OTX1: variants seen among roughly 807,000 people sequenced by gnomAD.
The protein encoded by OTX1 is orthodenticle homeobox 1.
OTX1 carries 7 observed loss-of-function variants against 26.7 expected under a neutral mutation model. The ratio of observed to expected loss-of-function variants is 0.26; its 90% CI spans 0.15 to 0.49. The LOEUF (loss-of-function observed/expected upper bound fraction) is 0.49. Ranked by LOEUF, OTX1 falls within the 20% of genes least tolerant of loss-of-function variation. OTX1 has a pLI of 0.98. For missense variants in OTX1, 414 were observed against 483.8 expected, an observed-to-expected ratio of 0.86 and a Z score of 1.35; for synonymous variants, 216 against 212.8, an observed-to-expected ratio of 1.01 and a Z score of -0.13.
rs541502870 is a variant in OTX1 at position 63,056,010 on chromosome 2, G to T, written c.759G>T (p.Ala253=). ...FGGVDCSSYL[A]PMHSHHHPHQ... is the part of the protein sequence containing the mutation. ...GCGTGGACTGCAGCTCATACCTAGC[G>T]CCCATGCACTCACATCACCACCCGC... Residue 253 remains alanine, a synonymous_variant, in exon 5 of 5, where the codon GCG becomes GCT. Transcript: ENST00000282549. 6.2e-7 allele frequency: 1 copy of T among 1,613,952 alleles called. No homozygotes were observed. Among genetic ancestry groups the T allele is most frequent in the South Asian group, 1.1e-5 (1 of 91,072 alleles).
At chr2:63,050,511 G>T (rs1417639774), upstream of OTX1, among the ~76,000 whole-genome samples, 1 of 152,308 alleles carries the variant, frequency 6.6e-6, no homozygotes, top group South Asian at 2.1e-4. Flanking sequence ...AAGGGCGGGG[G>T]CGCCCAGGGC....
rs1458688154 is a variant in OTX1, at chr2:63,056,926, G to A, written c.*610G>A. On this transcript the variant is annotated 3_prime_UTR_variant, in exon 5 of 5. Coordinates refer to ENST00000282549, the MANE Select transcript of OTX1 (RefSeq NM_014562.4). ...CGCGCCAGGGCTAGGCCCGCCGGAG[G>A]AGCGCGTCCCCAGCCTTCCGCGCAC... 6.6e-6 allele frequency: 1 copy of A among 152,600 alleles called. No homozygotes were observed. The highest frequency in any genetic ancestry group is 1.9e-4 in the East Asian group (1 of 5,172). The allele number at this position is 152,600 out of a possible 1,614,324, so 9.5% of individuals were successfully genotyped here. A position where few individuals can be genotyped will look rare whatever the true frequency, so the allele number is the denominator to read the frequency against.
At position 63,056,579 on chromosome 2, in the gene OTX1, A is replaced by C. The variant is rs1259151879; in HGVS notation, c.*263A>C. Reference sequence around the variant, plus strand: ...ACATTCTATACAGGAGAGATGTATTATTTCCCCCCTTCAGCCCCTACTAAA... The same window carrying C: ...ACATTCTATACAGGAGAGATGTATTCTTTCCCCCCTTCAGCCCCTACTAAA... On this transcript the variant is annotated 3_prime_UTR_variant, in exon 5 of 5. Transcript: ENST00000282549. The C allele has an allele frequency of 3.7e-6, 2 of 537,174 alleles. No homozygotes were observed. Among genetic ancestry groups the C allele is most frequent in the Admixed American group, 3.2e-5 (1 of 31,630 alleles). 33.3% of individuals were successfully genotyped at this position (537,174 alleles called of 1,614,324 possible).
In OTX1 at chr2:63,057,138, T is replaced by C. The variant is rs1416492833; in HGVS notation, c.*822T>C. ...CTTTAAGATATATACAGCACATATA[T>C]ATATATATACATATATATATACACA... On this transcript the variant is annotated 3_prime_UTR_variant, in exon 5 of 5. Coordinates refer to ENST00000282549, the MANE Select transcript of OTX1 (RefSeq NM_014562.4). 6.6e-6 allele frequency: 1 copy of C among 151,198 alleles called. No homozygotes were observed. Among genetic ancestry groups the C allele is most frequent in the Non-Finnish European group, 1.5e-5 (1 of 67,866 alleles). 9.4% of individuals were successfully genotyped at this position (151,198 alleles called of 1,614,324 possible). A position where few individuals can be genotyped will look rare whatever the true frequency, so the allele number is the denominator to read the frequency against.
chr2:63,056,583 C>T lies in OTX1; in HGVS notation c.*267C>T. On this transcript the variant is annotated 3_prime_UTR_variant, in exon 5 of 5. Coordinates refer to ENST00000282549, the MANE Select transcript of OTX1 (RefSeq NM_014562.4). Reference sequence around the variant, plus strand: ...TCTATACAGGAGAGATGTATTATTTCCCCCCTTCAGCCCCTACTAAACTCT... The same window carrying T: ...TCTATACAGGAGAGATGTATTATTTTCCCCCTTCAGCCCCTACTAAACTCT... 1.9e-6 allele frequency: 1 copy of T among 532,800 alleles called. No individual in the cohort carries two copies. Among genetic ancestry groups the T allele is most frequent in the Non-Finnish European group, 3.4e-6 (1 of 297,000 alleles). 33.0% of individuals were successfully genotyped at this position (532,800 alleles called of 1,614,324 possible).
chr2:63,053,719 C>CGTGTGT (rs879280827), intron 3 of OTX1, among the ~76,000 whole-genome samples: 1 of 151,678 alleles, frequency 6.6e-6, no homozygotes, highest in Non-Finnish European at 1.5e-5. Context: ...TGTGTGTGTG[C>CGTGTGT]GTGTGTGTGC....
chr2:63,054,087 G>A lies in OTX1; in HGVS notation c.138G>A (p.Thr46=), dbSNP rs1469302713. The stretch of plus-strand genomic sequence containing the variant: ...AGCGGCGGGAGCGCACCACCTTCAC[G>A]CGTTCACAGCTGGACGTGCTCGAGG... The part of the protein sequence containing the change: ...RKQRRERTTF[T]RSQLDVLEAL... Residue 46 remains threonine (T), a synonymous_variant, in exon 4 of 5, where the codon ACG becomes ACA. Transcript: ENST00000282549. 2.5e-6 allele frequency: 4 copies of A among 1,611,898 alleles called. No individual in the cohort carries two copies. Among genetic ancestry groups the A allele is most frequent in the Middle Eastern group, 1.7e-4 (1 of 5,998 alleles).
chr2:63,054,064 C>G lies in OTX1; in HGVS notation c.115C>G (p.Arg39Gly), dbSNP rs1238570417. Reference protein sequence around the residue: ...VGYPATPRKQRRERTTFTRSQ... With the variant: ...VGYPATPRKQGRERTTFTRSQ... ...CCCCGCAGCCACTCCGCGGAAGCAG[C>G]GGCGGGAGCGCACCACCTTCACGCG... The change falls in exon 4 of 5, where the codon CGG becomes GGG. Residue 39 changes from arginine (R) to glycine (G), a missense_variant. Physicochemically the swap from Arg to Gly is moderately radical, Grantham distance 125. Around this residue, in one of 3 missense-constraint regions of OTX1, gnomAD observed 46 missense variants for 94.3 expected, o/e 0.49. Coordinates refer to ENST00000282549, the MANE Select transcript of OTX1 (RefSeq NM_014562.4). 1 of 1,604,014 alleles carries G rather than the reference C, an allele frequency of 6.2e-7. No individual in the cohort carries two copies.
At position 63,056,176 on chromosome 2, in the gene OTX1, C is replaced by T; in HGVS notation, c.925C>T (p.Leu309Phe). 1 of 1,614,038 alleles carries T rather than the reference C, an allele frequency of 6.2e-7. No individual in the cohort carries two copies. The change falls in exon 5 of 5, where the codon CTT becomes TTT. Residue 309 changes from leucine (L) to phenylalanine (F), a missense_variant. Leu to Phe is a conservative substitution (Grantham distance 22, BLOSUM62 0). Transcript: ENST00000282549. The part of the protein sequence containing the change: ...HHHQGYGGSG[L>F]AFNSADCLDY... Reference sequence around the variant, plus strand: ...CCACCAAGGCTACGGTGGCTCTGGGCTTGCCTTCAACTCTGCCGACTGCTT... The same window carrying T: ...CCACCAAGGCTACGGTGGCTCTGGGTTTGCCTTCAACTCTGCCGACTGCTT...
rs753509589 is a variant in OTX1 at position 63,054,032 on chromosome 2, C to G, written c.98-15C>G. The G allele has an allele frequency of 2.4e-5, 38 of 1,606,690 alleles. No individual in the cohort carries two copies. Among genetic ancestry groups the G allele is most frequent in the Non-Finnish European group, 3.1e-5 (37 of 1,176,520 alleles). Reference sequence around the variant, plus strand: ...GGCCACCAATGACCCGCGGCGCCCCCGCGTGTCCCCGCAGCCACTCCGCGG... The same window carrying G: ...GGCCACCAATGACCCGCGGCGCCCCGGCGTGTCCCCGCAGCCACTCCGCGG... On this transcript the variant is annotated splice_polypyrimidine_tract_variant and intron_variant, in intron 3 of 4. Coordinates refer to ENST00000282549, the MANE Select transcript of OTX1 (RefSeq NM_014562.4).
At chr2:63,051,370 C>T (rs1264460808) in intron 2 of OTX1, 53 bp downstream of exon 2, 1 of 152,444 alleles carries the variant, frequency 6.6e-6, no homozygotes, top group African/African-American at 2.4e-5. Context: ...GTTGGTTACC[C>T]TTATCTCCCC....
chr2:63,053,908 C>A, intron 3 of OTX1, 139 bp from the exon 4 acceptor site: 1 of 1,001,852 alleles, frequency 1.0e-6, no homozygotes, highest in South Asian at 1.8e-5. Context: ...CTCGGCCGCC[C>A]GAGGGAGTTT....
At position 63,054,086 on chromosome 2, in the gene OTX1, C is replaced by T; in HGVS notation, c.137C>T (p.Thr46Met). 1 of 1,612,054 alleles carries T rather than the reference C, an allele frequency of 6.2e-7. No homozygotes were observed. The highest frequency in any genetic ancestry group is 2.2e-5 in the East Asian group (1 of 44,744). The stretch of plus-strand genomic sequence containing the variant: ...CAGCGGCGGGAGCGCACCACCTTCA[C>T]GCGTTCACAGCTGGACGTGCTCGAG... ...RKQRRERTTFTRSQLDVLEAL... is the reference protein window; with the variant it reads ...RKQRRERTTFMRSQLDVLEAL... Residue 46 changes from threonine (T) to methionine (M), a missense_variant, in exon 4 of 5, where the codon ACG (threonine) becomes ATG (methionine). Thr to Met is a moderately conservative substitution (Grantham distance 81). Coordinates refer to ENST00000282549, the MANE Select transcript of OTX1 (RefSeq NM_014562.4).
Position 63,055,647 on chromosome 2 carries a change from G to C in OTX1, c.396G>C (p.Val132=). 6.2e-7 allele frequency: 1 copy of C among 1,614,126 alleles called. No individual in the cohort carries two copies. Among genetic ancestry groups the C allele is most frequent in the Non-Finnish European group, 8.5e-7 (1 of 1,180,026 alleles). The change falls in exon 5 of 5, where the codon GTG becomes GTC. Residue 132 remains valine, a synonymous_variant. Coordinates refer to ENST00000282549, the MANE Select transcript of OTX1 (RefSeq NM_014562.4). This position sits in a 1 kb window ranked among gnomAD's most constrained non-coding sequence, Gnocchi z 5.2. ...ESSGQFTPPA[V]SSSASSSSSA... The stretch of plus-strand genomic sequence containing the variant: ...GTGGCCAATTCACGCCGCCAGCTGT[G>C]TCCAGCTCTGCCTCGTCCTCTAGCT...
rs1245436382 is a variant in OTX1, at chr2:63,051,244, T to G, written c.-180-5T>G. On this transcript the variant is annotated splice_polypyrimidine_tract_variant and splice_region_variant and intron_variant, in intron 1 of 4. Coordinates refer to ENST00000282549, the MANE Select transcript of OTX1 (RefSeq NM_014562.4). ...GGGTAATTCCAGTGCTGCTCTGTTT[T>G]GCAGGTTGGCTGCCCGGCGGGTCTC... 6.6e-6 allele frequency: 1 copy of G among 152,410 alleles called. No individual in the cohort carries two copies. Among genetic ancestry groups the G allele is most frequent in the African/African-American group, 2.4e-5 (1 of 41,472 alleles). 9.4% of individuals were successfully genotyped at this position (152,410 alleles called of 1,614,324 possible). A position where few individuals can be genotyped will look rare whatever the true frequency, so the allele number is the denominator to read the frequency against.
rs962493523 is a variant in OTX1, at chr2:63,056,587, C to T, written c.*271C>T. 14 of 521,312 alleles carry T rather than the reference C, an allele frequency of 2.7e-5. No homozygotes were observed. Among genetic ancestry groups the T allele is most frequent in the Middle Eastern group, 5.1e-4 (1 of 1,980 alleles). 32.3% of individuals were successfully genotyped at this position (521,312 alleles called of 1,614,324 possible). Reference sequence around the variant, plus strand: ...TACAGGAGAGATGTATTATTTCCCCCCTTCAGCCCCTACTAAACTCTTAAG... The same window carrying T: ...TACAGGAGAGATGTATTATTTCCCCTCTTCAGCCCCTACTAAACTCTTAAG... On this transcript the variant is annotated 3_prime_UTR_variant, in exon 5 of 5. Transcript: ENST00000282549.
At position 63,054,144 on chromosome 2, in the gene OTX1, C is replaced by A; in HGVS notation, c.195C>A (p.Ile65=). 1 of 1,611,922 alleles carries A rather than the reference C, an allele frequency of 6.2e-7. No individual in the cohort carries two copies. Among genetic ancestry groups the A allele is most frequent in the Non-Finnish European group, 8.5e-7 (1 of 1,178,882 alleles). ...TCGCCAAGACTCGCTACCCTGACAT[C>A]TTCATGCGGGAGGAGGTGGCGCTCA... is the stretch of plus-strand genomic sequence containing the variant. ...ALFAKTRYPD[I]FMREEVALKI... The change falls in exon 4 of 5, where the codon ATC becomes ATA. Residue 65 remains isoleucine (I), a synonymous_variant. Coordinates refer to ENST00000282549, the MANE Select transcript of OTX1 (RefSeq NM_014562.4).
chr2:63,052,839 G>T, intron 2 of OTX1, 41 bp from the exon 3 acceptor site: 1 of 577,286 alleles, frequency 1.7e-6, no homozygotes, highest in Non-Finnish European at 3.0e-6. Flanking sequence ...GCAGCCAAGT[G>T]GCTCCGATTG....
chr2:63,053,142 A>T, intron 3 of OTX1, 55 bp downstream of exon 3: 2 of 1,224,572 alleles, frequency 1.6e-6, no homozygotes. Flanking sequence ...GGGGACCCCC[A>T]GACTGTTGGA....
Sources: allele counts gnomAD v4.1 joint callset (sites outside exome capture counted in the v4.1 genomes callset), GRCh38; gene constraint gnomAD v4.1.1; regional missense constraint gnomAD v4.1.1; non-coding constraint Gnocchi (gnomAD v3.1); transcripts MANE v1.5; gene names NCBI Gene and HGNC (gene_info 2026-07-23, HGNC 2026-07-21).